Variants in FRMD4B observed in about 807,000 individuals in gnomAD.
FRMD4B encodes the protein FERM domain containing 4B, also known as FERM domain-containing protein 4B.
A neutral mutation model predicts 141.5 loss-of-function variants in FRMD4B; 74 were observed. That is an observed-to-expected ratio of 0.52 (90% CI 0.43 to 0.63). FRMD4B has a LOEUF of 0.63. Among genes scored for constraint, FRMD4B ranks in the 30% least tolerant of loss-of-function variants. The pLI, the probability that FRMD4B is intolerant of heterozygous loss-of-function variation, is 0.00. For missense variants in FRMD4B, 1,366 were observed against 1,253.4 expected (o/e 1.09, Z -1.36); for synonymous variants, 506 against 467.9 (o/e 1.08, Z -1.05).
At chr3:69,383,222 ACTTG>A (rs1704163630) in intron 1 of FRMD4B, among the ~76,000 whole-genome samples, 1 of 152,254 alleles carries the variant, frequency 6.6e-6, no homozygotes, top group Non-Finnish European at 1.5e-5. Context: ...TGTCTATTTA[ACTTG>A]CAGTTACTGT....
intron 1 of FRMD4B, among the ~76,000 whole-genome samples, chr3:69,486,185 T>C (rs957561816): frequency 3.3e-5 from 5 of 152,340 alleles, no homozygotes; most frequent in Admixed American, 1.3e-4. Context: ...ATATGAAACA[T>C]CAGGTTTCTA....
At chr3:69,533,595 A>T (rs904853258) in intron 1 of FRMD4B, among the ~76,000 whole-genome samples, 2 of 152,186 alleles carry the variant, frequency 1.3e-5, no homozygotes, top group Admixed American at 1.3e-4. Flanking sequence ...ACTTATTCTG[A>T]TCCAACATTC....
At chr3:69,496,383 A>G (rs1706387461) in intron 1 of FRMD4B, among the ~76,000 whole-genome samples, 1 of 152,132 alleles carries the variant, frequency 6.6e-6, no homozygotes, top group Non-Finnish European at 1.5e-5. Flanking sequence ...TGGCCAATCA[A>G]AACACTGAAC....
intron 1 of FRMD4B, chr3:69,535,984 C>T (rs970846700): frequency 2.9e-5 from 11 of 385,500 alleles, no homozygotes; most frequent in Non-Finnish European, 5.6e-5. Context: ...CTGCCTCGGG[C>T]CTTTGCCTTC....
At chr3:69,465,344 G>A (rs6549221) in intron 1 of FRMD4B, among the ~76,000 whole-genome samples, 88,577 of 149,944 alleles carry the variant, frequency 0.59, 27,310 homozygotes, top group African/African-American at 0.77. Flanking sequence ...AAACCTTCAG[G>A]AAATACAGAA....
At chr3:69,183,432 T>C (rs1021654675) in intron 19 of FRMD4B, among the ~76,000 whole-genome samples, 1 of 151,746 alleles carries the variant, frequency 6.6e-6, no homozygotes, top group Admixed American at 6.6e-5. Context: ...TTTAAGTCAC[T>C]ATGTCTACTT....
At chr3:69,220,816 G>T (rs6773288) in intron 9 of FRMD4B, among the ~76,000 whole-genome samples, 145,976 of 152,158 alleles carry the variant, frequency 0.96, 70,244 homozygotes, top group East Asian at 1. Context: ...ATTGCATCAC[G>T]GCACTCCAGC....
chr3:69,521,878 T>C (rs1018017666), intron 1 of FRMD4B, among the ~76,000 whole-genome samples: 1 of 152,186 alleles, frequency 6.6e-6, no homozygotes, highest in Non-Finnish European at 1.5e-5. Flanking sequence ...AAAGTAACAC[T>C]ACCTCCCCAC....
intron 1 of FRMD4B, among the ~76,000 whole-genome samples, chr3:69,460,476 C>T (rs998732101): frequency 2.0e-5 from 3 of 152,174 alleles, no homozygotes; most frequent in African/African-American, 4.8e-5. Context: ...CTTGGATTAC[C>T]GTATTTGTAA....
At chr3:69,539,840 AGTGT>A (rs147346385) in intron 1 of FRMD4B, among the ~76,000 whole-genome samples, 4 of 150,868 alleles carry the variant, frequency 2.7e-5, no homozygotes, top group South Asian at 2.1e-4. Flanking sequence ...GTGTTCAAAC[AGTGT>A]GTGTGTGTGT....
intron 1 of FRMD4B, among the ~76,000 whole-genome samples, chr3:69,369,957 C>T (rs906337828): frequency 1.3e-5 from 2 of 152,150 alleles, no homozygotes; most frequent in African/African-American, 4.8e-5. Flanking sequence ...ACATAATAAG[C>T]AGCTCTTGTA....
intron 3 of FRMD4B, 78 bp from the exon 4 acceptor site, chr3:69,302,513 T>A: frequency 1.1e-6 from 1 of 871,520 alleles, no homozygotes; most frequent in Non-Finnish European, 1.9e-6. Context: ...GGCAAAGCTG[T>A]GGCGAAATAG....
intron 1 of FRMD4B, among the ~76,000 whole-genome samples, chr3:69,323,543 C>T (rs961159089): frequency 2.7e-5 from 4 of 147,582 alleles, no homozygotes; most frequent in African/African-American, 5.0e-5. Context: ...CCAGCCTGGG[C>T]GACACAGCGA....
chr3:69,213,664 T>TTTG, intron 11 of FRMD4B, among the ~76,000 whole-genome samples: 1 of 146,376 alleles, frequency 6.8e-6, no homozygotes, highest in South Asian at 2.2e-4. Context: ...TTCATTGATT[T>TTTG]TTTTTTTTTT....
At chr3:69,375,153 A>G (rs2106649614) in intron 1 of FRMD4B, among the ~76,000 whole-genome samples, 1 of 150,042 alleles carries the variant, frequency 6.7e-6, no homozygotes, top group African/African-American at 2.5e-5. Flanking sequence ...CCACCCATCT[A>G]TCCATTCATC....
chr3:69,450,032 ACAAGG>A (rs1425248937), intron 1 of FRMD4B, among the ~76,000 whole-genome samples: 2 of 151,106 alleles, frequency 1.3e-5, no homozygotes, highest in Admixed American at 6.5e-5. Flanking sequence ...AATGGGGAGA[ACAAGG>A]TTCCTCAGCG....
At chr3:69,363,622 C>T (rs71302186) in intron 1 of FRMD4B, among the ~76,000 whole-genome samples, 1 of 152,064 alleles carries the variant, frequency 6.6e-6, no homozygotes. Flanking sequence ...ATCTCCTGAC[C>T]TCGTGATCCG....
chr3:69,282,277 A>C (rs561423028), intron 5 of FRMD4B, among the ~76,000 whole-genome samples: 1 of 152,314 alleles, frequency 6.6e-6, no homozygotes, highest in Non-Finnish European at 1.5e-5. Context: ...GCAGAGAAGA[A>C]ATGTGTGTAG....
At chr3:69,327,115 T>C (rs1702213857) in intron 1 of FRMD4B, among the ~76,000 whole-genome samples, 1 of 152,132 alleles carries the variant, frequency 6.6e-6, no homozygotes, top group Non-Finnish European at 1.5e-5. Flanking sequence ...GAAATGAAAG[T>C]TCTCCAGTTG....
Sources: gnomAD v4.1 joint callset for allele counts (sites outside exome capture counted in the v4.1 genomes callset) on GRCh38, gnomAD v4.1.1 for gene constraint, MANE v1.5 for transcripts, NCBI Gene and HGNC (gene_info 2026-07-23, HGNC 2026-07-21) for gene names.